CPXM2: variants seen among roughly 807,000 people sequenced by gnomAD.
CPXM2 encodes carboxypeptidase X, M14 family member 2.
Under a neutral mutation model 86.1 loss-of-function variants are expected in CPXM2, and 66 were observed. The ratio of observed to expected loss-of-function variants is 0.77; its 90% CI spans 0.63 to 0.94. CPXM2 has a LOEUF of 0.94. CPXM2 is among the 40% of genes least tolerant of loss of function. The probability of loss-of-function intolerance (pLI) is 0.00; values close to 1 mark genes in which losing one functional copy is unlikely to be tolerated. For synonymous variants in CPXM2, 388 were observed against 400.2 expected (o/e 0.97, Z 0.36); for missense variants, 948 against 1,026.3 (o/e 0.92, Z 1.04).
chr10:123,856,881 C>A (rs118107809), intron 3 of CPXM2, among the ~76,000 whole-genome samples: 3,478 of 152,292 alleles, frequency 0.023, 70 homozygotes, highest in South Asian at 0.087. Context: ...CATGAGCCAC[C>A]GCACCTAGCC....
upstream of CPXM2, among the ~76,000 whole-genome samples, chr10:123,943,279 T>C (rs1016307723): frequency 9.2e-5 from 14 of 152,330 alleles, no homozygotes; most frequent in African/African-American, 3.4e-4. Flanking sequence ...GTATATTTTA[T>C]GACAATCATG....
At position 123,746,075 on chromosome 10, in the gene CPXM2, T is replaced by C. The variant is rs1486347125; in HGVS notation, c.*689A>G. ...CAGCAGGGACTTTGGGGGTTGTTTATGGACCCAGAATTTGTGCAAGAAGCT... is the reference window on the plus strand; with the variant it reads ...CAGCAGGGACTTTGGGGGTTGTTTACGGACCCAGAATTTGTGCAAGAAGCT... On this transcript the variant is annotated 3_prime_UTR_variant, in exon 14 of 14. Coordinates refer to ENST00000241305, the MANE Select transcript of CPXM2 (RefSeq NM_198148.3). 6.6e-6 allele frequency: 1 copy of C among 152,222 alleles called. No individual in the cohort carries two copies. The highest frequency in any genetic ancestry group is 1.5e-5 in the Non-Finnish European group (1 of 68,064). 9.4% of individuals were successfully genotyped at this position (152,222 alleles called of 1,614,324 possible).
rs148061554 is a variant in CPXM2, at chr10:123,905,707, G to A, written n.175-25398C>T. Among the ~76,000 whole-genome samples, 281 of 152,166 alleles carry A rather than the reference G, an allele frequency of 1.8e-3. 1 individual carries two copies. The highest frequency in any genetic ancestry group is 2.2e-3 in the Non-Finnish European group (150 of 68,002). ...TCCCTATTCACGAAGCCGTCTCTGT[G>A]ATGCCAGGGTCAGACCATCCTGGGG... On this transcript the variant is annotated intron_variant and non_coding_transcript_variant, in intron 2 of 19. Coordinates refer to the CPXM2 transcript ENST00000368854.
chr10:123,859,487 G>A (rs1361077325), intron 3 of CPXM2, among the ~76,000 whole-genome samples: 2 of 152,194 alleles, frequency 1.3e-5, no homozygotes, highest in African/African-American at 4.8e-5. Flanking sequence ...GGGGGACTGG[G>A]GCTGTATGTC....
At position 123,757,201 on chromosome 10, in the gene CPXM2, C is replaced by A. The variant is rs1346265742; in HGVS notation, c.1917+12G>T. On this transcript the variant is annotated intron_variant, in intron 12 of 13. Coordinates refer to ENST00000241305, the MANE Select transcript of CPXM2 (RefSeq NM_198148.3). ...TAGTCCCCCTCATCCCAGCCACACA[C>A]CCGCAATATACCTGCTCCATGAACA... 6.2e-7 allele frequency: 1 copy of A among 1,612,552 alleles called. No homozygotes were observed. The highest frequency in any genetic ancestry group is 8.5e-7 in the Non-Finnish European group (1 of 1,178,800).
chr10:123,771,501 C>T (rs879384002), intron 7 of CPXM2, among the ~76,000 whole-genome samples: 4 of 152,288 alleles, frequency 2.6e-5, no homozygotes, highest in Non-Finnish European at 4.4e-5. Context: ...AGCACGATGA[C>T]GGCCCTGTGA....
At chr10:123,748,732 G>A (rs999309928) in intron 13 of CPXM2, among the ~76,000 whole-genome samples, 5 of 152,072 alleles carry the variant, frequency 3.3e-5, no homozygotes, top group African/African-American at 7.2e-5. Context: ...TCAGGAGCAC[G>A]TCGACAGGCT....
chr10:123,798,258 A>C, intron 5 of CPXM2, 132 bp from the exon 6 acceptor site: 1 of 749,758 alleles, frequency 1.3e-6, no homozygotes, highest in Non-Finnish European at 1.9e-6. Context: ...GAAAAGAAAA[A>C]AAAAAAAAAA....
chr10:123,905,241 C>T (rs1386753981), intron 2 of CPXM2, among the ~76,000 whole-genome samples: 4 of 152,226 alleles, frequency 2.6e-5, no homozygotes, highest in Non-Finnish European at 4.4e-5. Context: ...GCCTGGGAGC[C>T]GGGCCATTTG....
intron 6 of CPXM2, among the ~76,000 whole-genome samples, chr10:123,783,725 C>T (rs941931917): frequency 6.6e-6 from 1 of 152,182 alleles, no homozygotes; most frequent in African/African-American, 2.4e-5. Flanking sequence ...AATTTCTTTA[C>T]ATTTTTCTTA....
At chr10:123,800,947 C>T (rs775893075) in intron 4 of CPXM2, among the ~76,000 whole-genome samples, 1 of 151,900 alleles carries the variant, frequency 6.6e-6, no homozygotes, top group Non-Finnish European at 1.5e-5. Context: ...TTGCTTTAAA[C>T]GAACTGATTC....
intron 2 of CPXM2, among the ~76,000 whole-genome samples, chr10:123,929,191 C>G (rs1945646551): frequency 6.6e-6 from 1 of 152,208 alleles, no homozygotes; most frequent in Non-Finnish European, 1.5e-5. Flanking sequence ...AGCATGCAAA[C>G]TGGACTGCTT....
intron 2 of CPXM2, among the ~76,000 whole-genome samples, chr10:123,868,379 C>G (rs892497895): frequency 6.6e-6 from 1 of 152,212 alleles, no homozygotes; most frequent in Non-Finnish European, 1.5e-5. Context: ...AGATCCACAG[C>G]ATGAATGAAC....
intron 2 of CPXM2, among the ~76,000 whole-genome samples, chr10:123,866,234 C>T (rs56887219): frequency 0.42 from 63,979 of 151,918 alleles, 14,187 homozygotes; most frequent in African/African-American, 0.54. Flanking sequence ...TCACAGGCAC[C>T]GTCTATGCCA....
chr10:123,786,667 A>G (rs1390192188), intron 6 of CPXM2, among the ~76,000 whole-genome samples: 2 of 152,100 alleles, frequency 1.3e-5, no homozygotes, highest in East Asian at 3.9e-4. Context: ...ATCTCATTAT[A>G]CCCCATTCCT....
chr10:123,808,678 A>G (rs1564779503), intron 4 of CPXM2, among the ~76,000 whole-genome samples: 1 of 152,192 alleles, frequency 6.6e-6, no homozygotes, highest in African/African-American at 2.4e-5. Flanking sequence ...CAATTAAGTA[A>G]TTACTGAGTC....
intron 3 of CPXM2, among the ~76,000 whole-genome samples, chr10:123,848,938 A>G (rs1482323560): frequency 2.0e-5 from 3 of 152,248 alleles, no homozygotes; most frequent in Admixed American, 2.0e-4. Flanking sequence ...CACAGAAAAG[A>G]CAGTCAATAC....
intron 1 of CPXM2, chr10:123,939,543 A>G (rs891581107): frequency 6.6e-6 from 1 of 152,170 alleles, no homozygotes; most frequent in African/African-American, 2.4e-5. Flanking sequence ...TTAAAATAGG[A>G]GGAGAGAAAG....
At position 123,768,532 on chromosome 10, in the gene CPXM2, G is replaced by A. The variant is rs1219725; in HGVS notation, c.1293C>T (p.Tyr431=). 567,408 of 1,538,666 alleles carry A rather than the reference G, an allele frequency of 0.37. 112,870 individuals carry two copies. The highest frequency in any genetic ancestry group is 0.59 in the East Asian group (25,890 of 43,702). Residue 431 remains tyrosine (Y), a synonymous_variant, in exon 9 of 14, where the codon TAC becomes TAT. Transcript: ENST00000241305. ...GATGGGCCAGGGCCATTACCCCTTCGTAGGCCTTCTCGTAGCCATCGGGGT... is the reference window on the plus strand; with the variant it reads ...GATGGGCCAGGGCCATTACCCCTTCATAGGCCTTCTCGTAGCCATCGGGGT... ...SLNPDGYEKA[Y]EGGSELGGWS...
Sources: gnomAD v4.1 joint callset for allele counts (sites outside exome capture counted in the v4.1 genomes callset) on GRCh38, gnomAD v4.1.1 for gene constraint, MANE v1.5 for transcripts, NCBI Gene and HGNC (gene_info 2026-07-23, HGNC 2026-07-21) for gene names.